The following RAI14 variants were observed in gnomAD, a reference collection of about 807,000 sequenced individuals.
RAI14 encodes ankycorbin.
A neutral mutation model predicts 115.4 loss-of-function variants in RAI14; 45 were observed. That is an observed-to-expected ratio of 0.39 (90% CI 0.31 to 0.50). RAI14 has a LOEUF of 0.50. Ranked by LOEUF, RAI14 falls within the 20% of genes least tolerant of loss-of-function variation. RAI14 has a pLI of 0.85. For synonymous variants in RAI14, 371 were observed against 415.4 expected, an observed-to-expected ratio of 0.89 and a Z score of 1.30; for missense variants, 939 against 1,131.2, an observed-to-expected ratio of 0.83 and a Z score of 2.44.
intron 2 of RAI14, among the ~76,000 whole-genome samples, chr5:34,755,846 A>G (rs1747810325): frequency 6.6e-6 from 1 of 152,208 alleles, no homozygotes; most frequent in South Asian, 2.1e-4. Context: ...CTTTGGTGGA[A>G]TCACAGTGGA....
At chr5:34,674,278 T>C (rs1561227240) in intron 1 of RAI14, among the ~76,000 whole-genome samples, 1 of 152,140 alleles carries the variant, frequency 6.6e-6, no homozygotes, top group Non-Finnish European at 1.5e-5. Context: ...TTCTGAAAAG[T>C]ATTAAGACAC....
Position 34,824,303 on chromosome 5 carries a change from G to A in RAI14, c.2461G>A (p.Val821Ile), listed in dbSNP as rs1441595456. 3.1e-6 allele frequency: 5 copies of A among 1,614,078 alleles called. No individual in the cohort carries two copies. Among genetic ancestry groups the A allele is most frequent in the Non-Finnish European group, 4.2e-6 (5 of 1,180,050 alleles). The change falls in exon 15 of 18, where the codon GTT (valine) becomes ATT (isoleucine). Residue 821 changes from valine to isoleucine, a missense_variant. Physicochemically the swap from Val to Ile is conservative, Grantham distance 29. Transcript: ENST00000265109. ...VKEKEKVHSE[V>I]VQIRSEVSQV... ...AGAGAAAGAGAAGGTCCATTCAGAG[G>A]TTGTCCAGATTAGAAGTGAGGTCTC...
At chr5:34,744,825 C>T (rs113711893) in intron 2 of RAI14, among the ~76,000 whole-genome samples, 28 of 152,308 alleles carry the variant, frequency 1.8e-4, no homozygotes, top group African/African-American at 5.3e-4. Flanking sequence ...AAATGATTCT[C>T]GAAAATCAAG....
chr5:34,800,710 TC>T (rs1421157020), intron 4 of RAI14, among the ~76,000 whole-genome samples: 2 of 152,206 alleles, frequency 1.3e-5, no homozygotes, highest in African/African-American at 4.8e-5. Context: ...ACCCGGCACT[TC>T]CAGGTATGAC....
At chr5:34,829,635 T>TAAAG in intron 16 of RAI14, 97 bp from the exon 17 acceptor site, 1 of 983,566 alleles carries the variant, frequency 1.0e-6, no homozygotes, top group Non-Finnish European at 1.5e-6. Flanking sequence ...AGGGGACCAC[T>TAAAG]TGGGTAGCAT....
chr5:34,812,768 T>C (rs1348954202), intron 10 of RAI14, among the ~76,000 whole-genome samples: 1 of 152,266 alleles, frequency 6.6e-6, no homozygotes, highest in African/African-American at 2.4e-5. Flanking sequence ...TGAAATGTAC[T>C]AACTCATACT....
chr5:34,706,052 A>G (rs990383169), intron 2 of RAI14, among the ~76,000 whole-genome samples: 4 of 152,290 alleles, frequency 2.6e-5, no homozygotes, highest in East Asian at 1.9e-4. Flanking sequence ...GAGCATCTCA[A>G]TGAAATGCAT....
intron 2 of RAI14, among the ~76,000 whole-genome samples, chr5:34,752,134 A>G (rs1458834875): frequency 2.0e-5 from 3 of 152,132 alleles, no homozygotes; most frequent in Admixed American, 6.5e-5. Flanking sequence ...CTTAGTTGGG[A>G]AGAGATTTGA....
intron 1 of RAI14, among the ~76,000 whole-genome samples, chr5:34,657,523 A>G (rs1371339532): frequency 1.3e-5 from 2 of 152,150 alleles, no homozygotes; most frequent in African/African-American, 4.8e-5. Flanking sequence ...GCTAAGCCCA[A>G]CTTTACTCCC....
rs1757997185 is a variant in RAI14 at position 34,831,251 on chromosome 5, T to C, written c.*486T>C. ...TTAGTATGGCACTAGTTATGAAGTA[T>C]CTGCTTAAAACCCTTCATCATGATA... On this transcript the variant is annotated 3_prime_UTR_variant, in exon 18 of 18. Coordinates refer to ENST00000265109, the MANE Select transcript of RAI14 (RefSeq NM_015577.3). 6.4e-6 allele frequency: 1 copy of C among 156,310 alleles called. No homozygotes were observed. Among genetic ancestry groups the C allele is most frequent in the African/African-American group, 2.4e-5 (1 of 41,498 alleles). 9.7% of individuals were successfully genotyped at this position (156,310 alleles called of 1,614,324 possible). A position where few individuals can be genotyped will look rare whatever the true frequency, so the allele number is the denominator to read the frequency against.
rs1421235154 is a variant in RAI14, at chr5:34,686,930, T to G, written c.11T>G (p.Leu4Trp). The G allele has an allele frequency of 6.2e-7, 1 of 1,613,818 alleles. No homozygotes were observed. The highest frequency in any genetic ancestry group is 8.5e-7 in the Non-Finnish European group (1 of 1,179,860). Residue 4 changes from leucine (L) to tryptophan (W), a missense_variant, in exon 2 of 18, where the codon TTG becomes TGG. Physicochemically the swap from Leu to Trp is moderately conservative, Grantham distance 61. Coordinates refer to ENST00000265109, the MANE Select transcript of RAI14 (RefSeq NM_015577.3). Reference protein sequence around the residue: MKSLKAKFRKSDTN... With the variant: MKSWKAKFRKSDTN... ...CTGAATGCACTAAACATGAAGAGCT[T>G]GAAAGCGAAGTTCAGGAAGAGTGAC...
At chr5:34,727,196 C>T (rs34073700) in intron 2 of RAI14, among the ~76,000 whole-genome samples, 1 of 152,090 alleles carries the variant, frequency 6.6e-6, no homozygotes, top group African/African-American at 2.4e-5. Flanking sequence ...AAAGGTCACT[C>T]TTGTTATGTT....
intron 2 of RAI14, among the ~76,000 whole-genome samples, chr5:34,688,466 A>C (rs1449662804): frequency 1.3e-5 from 2 of 152,216 alleles, no homozygotes; most frequent in East Asian, 3.8e-4. Context: ...TGGTTTAAAA[A>C]TCAAAAACTG....
At chr5:34,668,223 A>G (rs554001056) in intron 1 of RAI14, among the ~76,000 whole-genome samples, 1 of 152,244 alleles carries the variant, frequency 6.6e-6, no homozygotes, top group South Asian at 2.1e-4. Context: ...GTGAAACCCC[A>G]TCTCCACTAA....
At chr5:34,735,283 C>T (rs1367256471) in intron 2 of RAI14, among the ~76,000 whole-genome samples, 2 of 152,100 alleles carry the variant, frequency 1.3e-5, no homozygotes, top group South Asian at 2.1e-4. Flanking sequence ...ATCTTTGAAA[C>T]TTGTTTACGG....
chr5:34,661,268 G>A (rs2149839109), intron 1 of RAI14, among the ~76,000 whole-genome samples: 1 of 151,992 alleles, frequency 6.6e-6, no homozygotes. Context: ...CCTGGTTTAG[G>A]GATACTCAAT....
At chr5:34,722,152 G>GC (rs11464968) in intron 2 of RAI14, among the ~76,000 whole-genome samples, 150,704 of 150,714 alleles carry the variant, frequency 1, 75,347 homozygotes, top group Middle Eastern at 1. Flanking sequence ...TTGTGGCCCC[G>GC]CCCACCCCCA....
chr5:34,751,292 G>A (rs572123603), intron 2 of RAI14, among the ~76,000 whole-genome samples: 3 of 150,720 alleles, frequency 2.0e-5, no homozygotes, highest in South Asian at 2.1e-4. Context: ...ATAGGTGCCC[G>A]CCATGCCTGG....
At chr5:34,690,785 T>C (rs1300953614) in intron 2 of RAI14, among the ~76,000 whole-genome samples, 2 of 152,208 alleles carry the variant, frequency 1.3e-5, no homozygotes, top group Non-Finnish European at 2.9e-5. Flanking sequence ...GTGGATAACC[T>C]TTTTTACTTC....
Sources: allele counts gnomAD v4.1 joint callset (sites outside exome capture counted in the v4.1 genomes callset), GRCh38; gene constraint gnomAD v4.1.1; transcripts MANE v1.5; gene names NCBI Gene and HGNC (gene_info 2026-07-23, HGNC 2026-07-21).